Variants in LRCH2 observed in about 807,000 individuals in gnomAD.
The protein encoded by LRCH2 is leucine rich repeats and calponin homology domain containing 2, also known as leucine-rich repeat and calponin homology domain-containing protein 2.
Under a neutral mutation model 68.9 loss-of-function variants are expected in LRCH2, and 38 were observed. The observed-to-expected ratio is 0.55, with a 90% CI of 0.43 to 0.72. The LOEUF (loss-of-function observed/expected upper bound fraction) is 0.72, where lower values mean the gene tolerates loss of function less well. Ranked by LOEUF, LRCH2 falls within the 30% of genes least tolerant of loss-of-function variation. The pLI is 0.00. For synonymous variants in LRCH2, 191 were observed against 208.1 expected (o/e 0.92, Z 0.71); for missense variants, 528 against 572.9 (o/e 0.92, Z 0.80).
In LRCH2 at chrX:115,123,986, TC is replaced by T; in HGVS notation, c.1807del (p.Asp603MetfsTer10). The part of the protein sequence containing the change: ...PVSSEEYDRT[D>X]GFSHSPFGLK... ...GCCAAAGGGACTGTGTGAAAAACCA[TC>T]AGTTCTGTCATATTCCTAAAAAAAA... On this transcript the variant is annotated frameshift_variant, in exon 17 of 21. Coordinates refer to ENST00000317135, the MANE Select transcript of LRCH2 (RefSeq NM_020871.4). LOFTEE classifies it high-confidence loss of function. 1 of 1,080,790 alleles carries T rather than the reference TC, an allele frequency of 9.3e-7. No homozygotes were observed. The highest frequency in any genetic ancestry group is 1.2e-6 in the Non-Finnish European group (1 of 817,629). 89.1% of individuals were successfully genotyped at this position (1,080,790 alleles called of 1,213,427 possible).
chrX:115,116,117 G>A (rs2072080194), intron 20 of LRCH2, among the ~76,000 whole-genome samples: 1 of 111,226 alleles, frequency 9.0e-6, no homozygotes, highest in Non-Finnish European at 1.9e-5. Flanking sequence ...TGTAAAAATA[G>A]TGCAGCCACT....
chrX:115,157,050 C>T (rs1401428488), intron 11 of LRCH2, among the ~76,000 whole-genome samples: 1 of 110,916 alleles, frequency 9.0e-6, no homozygotes, highest in East Asian at 2.8e-4. Context: ...AGTTATTTTG[C>T]CAAATGAAAA....
At chrX:115,203,172 C>T (rs1357052332) in intron 1 of LRCH2, among the ~76,000 whole-genome samples, 2 of 111,672 alleles carry the variant, frequency 1.8e-5, no homozygotes, top group Admixed American at 9.5e-5. Flanking sequence ...GGAACTGCCA[C>T]ACACTTATAA....
chrX:115,132,822 T>C (rs782743637), intron 14 of LRCH2, among the ~76,000 whole-genome samples: 1 of 112,090 alleles, frequency 8.9e-6, no homozygotes, highest in Non-Finnish European at 1.9e-5. Flanking sequence ...GAAACAGTGA[T>C]ACTTGAGTGA....
At chrX:115,207,927 G>A (rs2072980496) in intron 1 of LRCH2, among the ~76,000 whole-genome samples, 2 of 111,702 alleles carry the variant, frequency 1.8e-5, no homozygotes, top group Admixed American at 1.9e-4. Context: ...CTGAAGAGGG[G>A]GCCATGTGGA....
Position 115,209,568 on chromosome X carries a change from T to C in LRCH2, c.350-21198A>G, listed in dbSNP as rs1023849898. Among the ~76,000 whole-genome samples, 6 of 112,238 alleles carry C rather than the reference T, an allele frequency of 5.3e-5. No individual in the cohort carries two copies. The Admixed American group carries it at 5.7e-4, about 11-fold the overall frequency. On this transcript the variant is annotated intron_variant, in intron 1 of 20. Transcript: ENST00000317135. ...AATTGCCCAGTCTTGGGTATGTCTT[T>C]ATCTGTAGCATGAAAATGAACTAAT...
At chrX:115,185,478 A>G (rs995148638) in intron 2 of LRCH2, among the ~76,000 whole-genome samples, 1 of 111,982 alleles carries the variant, frequency 8.9e-6, no homozygotes, top group African/African-American at 3.2e-5. Context: ...AACAAAATGT[A>G]TATTTTTCCA....
At chrX:115,183,027 C>T (rs1192421007) in intron 3 of LRCH2, among the ~76,000 whole-genome samples, 1 of 109,075 alleles carries the variant, frequency 9.2e-6, no homozygotes, top group Admixed American at 9.9e-5. Context: ...TAGAGTTTTG[C>T]AAAGAAGAAT....
rs782023263 is a variant in LRCH2 at position 115,113,342 on chromosome X, A to G, written c.2179-7T>C. 5.1e-5 allele frequency: 59 copies of G among 1,156,179 alleles called. No homozygotes were observed. Among genetic ancestry groups the G allele is most frequent in the South Asian group, 3.0e-4 (14 of 47,143 alleles). ...GAGGCAAACAAAGTCTTTCCTGGAGAAAAAAAAGAGATATTTGAACATTCA... is the reference window on the plus strand; with the variant it reads ...GAGGCAAACAAAGTCTTTCCTGGAGGAAAAAAAGAGATATTTGAACATTCA... On this transcript the variant is annotated splice_region_variant and splice_polypyrimidine_tract_variant and intron_variant, in intron 20 of 20. Transcript: ENST00000317135.
In LRCH2 at chrX:115,170,065, T is replaced by C. The variant is rs782620863; in HGVS notation, c.998+234A>G. ...AGAAATTAGTGTTTCCGTAATATAATGTCAAACATTTACATTTTTACTACT... is the reference window on the plus strand; with the variant it reads ...AGAAATTAGTGTTTCCGTAATATAACGTCAAACATTTACATTTTTACTACT... On this transcript the variant is annotated intron_variant, in intron 6 of 20. Coordinates refer to ENST00000317135, the MANE Select transcript of LRCH2 (RefSeq NM_020871.4). Among the ~76,000 whole-genome samples the C allele has an allele frequency of 5.4e-5, 6 of 111,671 alleles. No individual in the cohort carries two copies. The East Asian group carries it at 1.1e-3, about 21-fold the overall frequency.
chrX:115,141,261 G>A, intron 14 of LRCH2, among the ~76,000 whole-genome samples: 1 of 110,094 alleles, frequency 9.1e-6, no homozygotes, highest in South Asian at 3.9e-4. Flanking sequence ...TGCCAAGGTT[G>A]AGGATAGTGC....
intron 1 of LRCH2, chrX:115,190,601 G>A (rs1556557536): frequency 1.0e-5 from 2 of 192,891 alleles, no homozygotes; most frequent in Non-Finnish European, 1.7e-5. Context: ...GGAGAAGAAG[G>A]CTGCTACGAG....
intron 1 of LRCH2, among the ~76,000 whole-genome samples, chrX:115,217,432 T>A (rs1319053541): frequency 1.8e-5 from 2 of 110,579 alleles, no homozygotes; most frequent in Non-Finnish European, 3.8e-5. Context: ...CCTGTGTCCA[T>A]GTGTTCTCAT....
chrX:115,209,925 C>T (rs2072994565), intron 1 of LRCH2, among the ~76,000 whole-genome samples: 1 of 111,421 alleles, frequency 9.0e-6, no homozygotes, highest in Admixed American at 9.6e-5. Flanking sequence ...ATCTGTGGAA[C>T]TTTGAACTTG....
chrX:115,192,049 G>A (rs1252288048), intron 1 of LRCH2: 9 of 1,166,717 alleles, frequency 7.7e-6, no homozygotes, highest in East Asian at 6.5e-5. Flanking sequence ...CCGCTCGCAC[G>A]ACACCCACAG....
intron 11 of LRCH2, among the ~76,000 whole-genome samples, chrX:115,159,302 C>G (rs868996059): frequency 7.4e-4 from 81 of 109,416 alleles, no homozygotes; most frequent in African/African-American, 2.5e-3. Flanking sequence ...TTTTATTTCC[C>G]AAAATAATAG....
intron 12 of LRCH2, among the ~76,000 whole-genome samples, chrX:115,155,267 T>C (rs2072466172): frequency 9.1e-6 from 1 of 109,422 alleles, no homozygotes; most frequent in African/African-American, 3.3e-5. Flanking sequence ...GAGATTTTTC[T>C]AAAGGTGGGG....
intron 10 of LRCH2, among the ~76,000 whole-genome samples, chrX:115,164,552 A>T (rs1603051099): frequency 1.8e-5 from 2 of 111,801 alleles, no homozygotes; most frequent in East Asian, 5.6e-4. Context: ...TGATTAACTA[A>T]TAACTGTGAA....
chrX:115,174,751 A>T lies in LRCH2; in HGVS notation c.865-4319T>A, dbSNP rs182273236. 5.8e-3 allele frequency among the ~76,000 whole-genome samples: 639 copies of T among 110,971 alleles called. 4 individuals carry two copies. Among genetic ancestry groups the T allele is most frequent in the Non-Finnish European group, 9.3e-3 (494 of 53,004 alleles). On this transcript the variant is annotated intron_variant, in intron 5 of 20. Coordinates refer to ENST00000317135, the MANE Select transcript of LRCH2 (RefSeq NM_020871.4). Reference sequence around the variant, plus strand: ...AAGATGGTGATTTCATTTCCTTCGGATATTGTAATTTGTAAGGAATGTATA... The same window carrying T: ...AAGATGGTGATTTCATTTCCTTCGGTTATTGTAATTTGTAAGGAATGTATA...
Sources: allele counts gnomAD v4.1 joint callset (sites outside exome capture counted in the v4.1 genomes callset), GRCh38; gene constraint gnomAD v4.1.1; transcripts MANE v1.5; gene names NCBI Gene and HGNC (gene_info 2026-07-23, HGNC 2026-07-21).